ANKS1B: variants seen among roughly 807,000 people sequenced by gnomAD.
The protein encoded by ANKS1B is ankyrin repeat and sterile alpha motif domain containing 1B, also known as ankyrin repeat and sterile alpha motif domain-containing protein 1B.
In ANKS1B, 36 loss-of-function variants were observed where a neutral mutation model predicts 148.3. The ratio of observed to expected loss-of-function variants is 0.24; its 90% CI spans 0.19 to 0.32. ANKS1B has a LOEUF of 0.32. Among genes scored for constraint, ANKS1B ranks in the 10% least tolerant of loss-of-function variants. The pLI, the probability that ANKS1B is intolerant of heterozygous loss-of-function variation, is 1.00. For missense variants in ANKS1B, 1,157 were observed against 1,542.6 expected (o/e 0.75, Z 4.19); for synonymous variants, 542 against 560.8 (o/e 0.97, Z 0.47).
intron 9 of ANKS1B, among the ~76,000 whole-genome samples, chr12:99,557,371 CTTT>C (rs970547661): frequency 6.6e-6 from 1 of 151,858 alleles, no homozygotes; most frequent in African/African-American, 2.4e-5. Flanking sequence ...ATTCTTTTTT[CTTT>C]ATTTTTGTTT....
At chr12:99,293,516 TA>T (rs2080359704) in intron 12 of ANKS1B, among the ~76,000 whole-genome samples, 1 of 151,974 alleles carries the variant, frequency 6.6e-6, no homozygotes, top group Non-Finnish European at 1.5e-5. Context: ...TAAAATAAAA[TA>T]AATCAAATCA....
intron 1 of ANKS1B, among the ~76,000 whole-genome samples, chr12:99,825,792 G>A (rs910612281): frequency 2.6e-5 from 4 of 152,094 alleles, no homozygotes; most frequent in African/African-American, 7.2e-5. Context: ...CTGAGGTGCC[G>A]GTGATTTATA....
chr12:98,913,961 C>T lies in ANKS1B; in HGVS notation c.2779-81825G>A, dbSNP rs539528348. ...TCTTTATGTCAGTTAGGGGTATATC[C>T]GGGCCACCAGTTGCTCAGGCCAAAA... On this transcript the variant is annotated intron_variant, in intron 17 of 26. Transcript: ENST00000683438. 1.4e-4 allele frequency among the ~76,000 whole-genome samples: 22 copies of T among 152,250 alleles called. No homozygotes were observed. The East Asian group carries it at 1.5e-3, about 11-fold the overall frequency.
At chr12:99,059,513 T>C (rs2041608488) in intron 16 of ANKS1B, among the ~76,000 whole-genome samples, 1 of 152,106 alleles carries the variant, frequency 6.6e-6, no homozygotes, top group African/African-American at 2.4e-5. Flanking sequence ...CAAGAACCAG[T>C]TCCAGATAGG....
intron 9 of ANKS1B, among the ~76,000 whole-genome samples, chr12:99,536,855 T>G (rs2097074001): frequency 6.6e-6 from 1 of 152,156 alleles, no homozygotes; most frequent in South Asian, 2.1e-4. Context: ...TCTTACTCAT[T>G]TTTTCTAAGT....
chr12:99,581,621 T>C (rs968359489), intron 9 of ANKS1B, among the ~76,000 whole-genome samples: 1 of 152,126 alleles, frequency 6.6e-6, no homozygotes, highest in Non-Finnish European at 1.5e-5. Context: ...CCGGGCGCGG[T>C]GGCTCACGCC....
intron 12 of ANKS1B, among the ~76,000 whole-genome samples, chr12:99,264,125 TA>T (rs2076203831): frequency 6.6e-6 from 1 of 152,118 alleles, no homozygotes; most frequent in Non-Finnish European, 1.5e-5. Flanking sequence ...TATAAAAATT[TA>T]AAATTCCCTT....
chr12:98,960,899 T>C (rs2099870232), intron 17 of ANKS1B, among the ~76,000 whole-genome samples: 1 of 152,060 alleles, frequency 6.6e-6, no homozygotes, highest in African/African-American at 2.4e-5. Context: ...TTAGCAGAAT[T>C]GATCAAGTAG....
chr12:99,466,324 C>A (rs1002418285), intron 10 of ANKS1B, among the ~76,000 whole-genome samples: 1 of 152,038 alleles, frequency 6.6e-6, no homozygotes, highest in Non-Finnish European at 1.5e-5. Flanking sequence ...TAAATGCTCA[C>A]GAGAGAAAGC....
At chr12:98,853,714 A>G (rs2099545616) in intron 17 of ANKS1B, among the ~76,000 whole-genome samples, 1 of 152,160 alleles carries the variant, frequency 6.6e-6, no homozygotes. Flanking sequence ...TTCAGAATTT[A>G]TAATCACACA....
intron 17 of ANKS1B, among the ~76,000 whole-genome samples, chr12:98,902,884 G>T (rs1051867896): frequency 1.3e-5 from 2 of 152,178 alleles, no homozygotes; most frequent in African/African-American, 4.8e-5. Flanking sequence ...AAATAATAAA[G>T]CTCATTCCCA....
At chr12:98,875,181 C>T (rs962411874) in intron 17 of ANKS1B, among the ~76,000 whole-genome samples, 1 of 152,310 alleles carries the variant, frequency 6.6e-6, no homozygotes, top group South Asian at 2.1e-4. Flanking sequence ...TGGGACCTAT[C>T]CTTGCTCCTT....
rs536134177 is a variant in ANKS1B, at chr12:98,805,957, C to T, written c.3141+1887G>A. On this transcript the variant is annotated intron_variant, in intron 20 of 26. Coordinates refer to ENST00000683438, the MANE Select transcript of ANKS1B (RefSeq NM_001352186.2). The stretch of plus-strand genomic sequence containing the variant: ...CACAATCTCGGTTCATTGCAACCTC[C>T]GCTTCCTAGGGTCCAGTGATCCTCC... 3.9e-5 allele frequency among the ~76,000 whole-genome samples: 6 copies of T among 152,304 alleles called. No individual in the cohort carries two copies. In the East Asian group the frequency reaches 5.8e-4, roughly 15 times the overall value.
intron 17 of ANKS1B, among the ~76,000 whole-genome samples, chr12:98,935,087 T>C (rs1444422888): frequency 6.6e-6 from 1 of 152,162 alleles, no homozygotes; most frequent in East Asian, 1.9e-4. Context: ...TTTTTCATCA[T>C]TGAGTATGAG....
At chr12:99,199,837 T>C (rs1219777584) in intron 14 of ANKS1B, among the ~76,000 whole-genome samples, 1 of 152,160 alleles carries the variant, frequency 6.6e-6, no homozygotes, top group African/African-American at 2.4e-5. Flanking sequence ...ACGTACTCAG[T>C]GTGTTATATT....
intron 17 of ANKS1B, among the ~76,000 whole-genome samples, chr12:98,967,095 A>G (rs2099878753): frequency 6.6e-6 from 1 of 152,186 alleles, no homozygotes; most frequent in Non-Finnish European, 1.5e-5. Context: ...CAAGTGTGGA[A>G]TCACCACAGA....
chr12:99,932,060 A>G (rs180901205), intron 1 of ANKS1B, among the ~76,000 whole-genome samples: 134 of 152,228 alleles, frequency 8.8e-4, no homozygotes, highest in African/African-American at 2.9e-3. Context: ...CACTTGACAT[A>G]ACGTCTTCCA....
chr12:98,824,185 C>T (rs2099226656), intron 19 of ANKS1B, among the ~76,000 whole-genome samples: 1 of 152,220 alleles, frequency 6.6e-6, no homozygotes, highest in African/African-American at 2.4e-5. Flanking sequence ...AGAAATATGG[C>T]ATCCATTCTC....
chr12:99,303,551 A>G (rs115574500), intron 12 of ANKS1B, among the ~76,000 whole-genome samples: 1,916 of 152,292 alleles, frequency 0.013, 45 homozygotes, highest in African/African-American at 0.043. Flanking sequence ...AAAATCAAAC[A>G]ATAAATATTT....
Sources: allele counts gnomAD v4.1 joint callset (sites outside exome capture counted in the v4.1 genomes callset), GRCh38; gene constraint gnomAD v4.1.1; transcripts MANE v1.5; gene names NCBI Gene and HGNC (gene_info 2026-07-23, HGNC 2026-07-21).